Variants in LRRC4C observed in about 807,000 individuals in gnomAD.
LRRC4C encodes leucine-rich repeat-containing protein 4C.
LRRC4C carries 5 observed loss-of-function variants against 33.6 expected under a neutral mutation model. The ratio of observed to expected loss-of-function variants is 0.15; its 90% CI spans 0.08 to 0.31. LRRC4C has a LOEUF of 0.31. Among genes scored for constraint, LRRC4C ranks in the 10% least tolerant of loss-of-function variants. The pLI is 1.00. For synonymous variants in LRRC4C, 329 were observed against 302.0 expected, an observed-to-expected ratio of 1.09 and a Z score of -0.93; for missense variants, 560 against 796.7, an observed-to-expected ratio of 0.70 and a Z score of 3.58.
chr11:41,355,770 T>C (rs1952139672), intron 1 of LRRC4C, among the ~76,000 whole-genome samples: 1 of 152,142 alleles, frequency 6.6e-6, no homozygotes, highest in South Asian at 2.1e-4. Flanking sequence ...GACAATTTCA[T>C]ACAATTCAAC....
chr11:40,970,094 C>T (rs1449956900), intron 1 of LRRC4C, among the ~76,000 whole-genome samples: 1 of 152,172 alleles, frequency 6.6e-6, no homozygotes, highest in Non-Finnish European at 1.5e-5. Context: ...ATTTCCCCAG[C>T]TGACCCCTGC....
chr11:40,134,940 T>A (rs1856868702), intron 6 of LRRC4C, among the ~76,000 whole-genome samples: 1 of 152,134 alleles, frequency 6.6e-6, no homozygotes. Context: ...AAAAACCTGA[T>A]AAGGAAACTC....
chr11:41,187,644 G>A (rs950570752), intron 1 of LRRC4C, among the ~76,000 whole-genome samples: 7 of 152,198 alleles, frequency 4.6e-5, no homozygotes, highest in Non-Finnish European at 1.0e-4. Flanking sequence ...GATACAGAAA[G>A]CCCTCTGTCC....
intron 2 of LRRC4C, among the ~76,000 whole-genome samples, chr11:40,919,717 G>A (rs1957097867): frequency 6.6e-6 from 1 of 152,082 alleles, no homozygotes; most frequent in Non-Finnish European, 1.5e-5. Context: ...ACATTAACAA[G>A]TTTGTGTAGG....
intron 1 of LRRC4C, among the ~76,000 whole-genome samples, chr11:41,422,938 A>G (rs1428404526): frequency 6.6e-6 from 1 of 152,128 alleles, no homozygotes; most frequent in Non-Finnish European, 1.5e-5. Flanking sequence ...TTTCTACACT[A>G]TGCCATACTG....
chr11:40,518,507 C>G (rs953392598), intron 3 of LRRC4C, among the ~76,000 whole-genome samples: 1 of 151,954 alleles, frequency 6.6e-6, no homozygotes, highest in African/African-American at 2.4e-5. Flanking sequence ...TGAACAAAAG[C>G]TCATCAGTAG....
rs1353232405 is a variant in LRRC4C at position 40,590,815 on chromosome 11, TGAG to T, written c.-270+57324_-270+57326del. Reference sequence around the variant, plus strand: ...GGGGGTCAGGGGTCAGGGACCCACTTGAGGAGGCAGTCTGCCCATTCTCAGATC... The same window carrying T: ...GGGGGTCAGGGGTCAGGGACCCACTTGAGGCAGTCTGCCCATTCTCAGATC... On this transcript the variant is annotated intron_variant, in intron 3 of 6. Transcript: ENST00000528697. 2.6e-5 allele frequency among the ~76,000 whole-genome samples: 4 copies of T among 152,252 alleles called. No homozygotes were observed. In the East Asian group the frequency reaches 7.7e-4, roughly 29 times the overall value.
intron 2 of LRRC4C, among the ~76,000 whole-genome samples, chr11:40,732,922 AT>A (rs1947665073): frequency 6.6e-6 from 1 of 151,882 alleles, no homozygotes; most frequent in Non-Finnish European, 1.5e-5. Context: ...ACTCTTTACT[AT>A]ATGCTAAATA....
intron 1 of LRRC4C, among the ~76,000 whole-genome samples, chr11:41,438,577 C>G (rs889488504): frequency 6.6e-6 from 1 of 152,038 alleles, no homozygotes; most frequent in South Asian, 2.1e-4. Flanking sequence ...ATCCCTGGAG[C>G]CCCTCTCAGA....
At chr11:41,293,319 A>T (rs1215247311) in intron 1 of LRRC4C, among the ~76,000 whole-genome samples, 2 of 152,100 alleles carry the variant, frequency 1.3e-5, no homozygotes, top group African/African-American at 4.8e-5. Flanking sequence ...GTTCTATAGT[A>T]ATTACTGAAT....
Position 40,742,446 on chromosome 11 carries a change from T to C in LRRC4C, c.-406-94168A>G, listed in dbSNP as rs11036057. Among the ~76,000 whole-genome samples, 101 of 152,190 alleles carry C rather than the reference T, an allele frequency of 6.6e-4. 1 individual carries two copies. The highest frequency in any genetic ancestry group is 1.2e-3 in the Non-Finnish European group (84 of 67,946). ...TCCTTTGTCAAAAGCTACCAATGGC[T>C]CTTCATTCAATCACATTTTGCACCT... On this transcript the variant is annotated intron_variant, in intron 2 of 6. Transcript: ENST00000528697.
At chr11:40,702,891 A>G (rs1945946123) in intron 2 of LRRC4C, among the ~76,000 whole-genome samples, 1 of 152,142 alleles carries the variant, frequency 6.6e-6, no homozygotes, top group South Asian at 2.1e-4. Flanking sequence ...AAAGGATTTA[A>G]AAGTCTGTAT....
Position 41,333,200 on chromosome 11 carries a change from T to A in LRRC4C, c.-496+126231A>T, listed in dbSNP as rs763882136. 7.8e-4 allele frequency among the ~76,000 whole-genome samples: 119 copies of A among 152,208 alleles called. 1 individual carries two copies. Among genetic ancestry groups the A allele is most frequent in the Non-Finnish European group, 8.4e-4 (57 of 68,044 alleles). On this transcript the variant is annotated intron_variant, in intron 1 of 6. Transcript: ENST00000528697. ...AATATTTTCTCTAAATGCTTTGTAA[T>A]TGAAGAATCAAGGCATAATGTCTAT...
chr11:40,116,318 T>G lies in LRRC4C; in HGVS notation c.-26A>C. On this transcript the variant is annotated 5_prime_UTR_variant, in exon 7 of 7. Transcript: ENST00000528697. ...TCATAATTTATCTGGTGTTGGTCCT[T>G]CTGGAATTCAAACAGTCTGCAAAAT... 1 of 1,548,370 alleles carries G rather than the reference T, an allele frequency of 6.5e-7. No individual in the cohort carries two copies. The highest frequency in any genetic ancestry group is 8.7e-7 in the Non-Finnish European group (1 of 1,146,674).
intron 1 of LRRC4C, among the ~76,000 whole-genome samples, chr11:41,406,748 ACACG>A (rs1555166866): frequency 2.7e-5 from 4 of 145,468 alleles, no homozygotes; most frequent in Non-Finnish European, 4.5e-5. Flanking sequence ...ACACACACAC[ACACG>A]CACCCTTAAT....
chr11:41,190,384 G>A (rs74822131), intron 1 of LRRC4C, among the ~76,000 whole-genome samples: 2,741 of 152,296 alleles, frequency 0.018, 79 homozygotes, highest in African/African-American at 0.063. Flanking sequence ...TTTTTAGGGT[G>A]TAAACAAGAG....
intron 1 of LRRC4C, among the ~76,000 whole-genome samples, chr11:40,972,655 T>C (rs1363293507): frequency 6.6e-6 from 1 of 151,966 alleles, no homozygotes; most frequent in Non-Finnish European, 1.5e-5. Context: ...AAGGCGGTGG[T>C]AGAGAGAATG....
At chr11:40,925,309 C>T (rs1957368511) in intron 2 of LRRC4C, among the ~76,000 whole-genome samples, 1 of 152,196 alleles carries the variant, frequency 6.6e-6, no homozygotes, top group Non-Finnish European at 1.5e-5. Context: ...GATGTATGAG[C>T]AGATGTGTCA....
chr11:40,114,417 A>G lies in LRRC4C; in HGVS notation c.1876T>C (p.Leu626=), dbSNP rs1282183751. Residue 626 remains leucine, a synonymous_variant, in exon 7 of 7, where the codon TTG becomes CTG. Coordinates refer to ENST00000528697, the MANE Select transcript of LRRC4C (RefSeq NM_001258419.2). ...SIHSSVHEPL[L]IRMNSKDNVQ... is the part of the protein sequence containing the mutation. ...TTGTCTTTAGAGTTCATTCGGATCA[A>G]TAACGGTTCATGCACTGAACTGTGT... The G allele has an allele frequency of 6.2e-7, 1 of 1,613,964 alleles. No homozygotes were observed. Among genetic ancestry groups the G allele is most frequent in the African/African-American group, 1.3e-5 (1 of 74,890 alleles).
Sources: gnomAD v4.1 joint callset for allele counts (sites outside exome capture counted in the v4.1 genomes callset) on GRCh38, gnomAD v4.1.1 for gene constraint, MANE v1.5 for transcripts, NCBI Gene and HGNC (gene_info 2026-07-23, HGNC 2026-07-21) for gene names.